AGBL4: variants seen among roughly 807,000 people sequenced by gnomAD.
AGBL4 encodes cytosolic carboxypeptidase 6.
AGBL4 carries 58 observed loss-of-function variants against 66.4 expected under a neutral mutation model. That is an observed-to-expected ratio of 0.87 (90% CI 0.71 to 1.09). The LOEUF (loss-of-function observed/expected upper bound fraction) is 1.09, where lower values mean the gene tolerates loss of function less well. AGBL4 is among the 50% of genes least tolerant of loss of function. The pLI is 0.00. For synonymous variants in AGBL4, 234 were observed against 222.9 expected, an observed-to-expected ratio of 1.05 and a Z score of -0.44; for missense variants, 579 against 631.0, an observed-to-expected ratio of 0.92 and a Z score of 0.88.
rs141713484 is a variant in AGBL4 at position 49,945,067 on chromosome 1, T to C, written c.34+78696A>G. Among the ~76,000 whole-genome samples the C allele has an allele frequency of 1.9e-3, 284 of 152,226 alleles. 2 individuals are homozygous for C. Among genetic ancestry groups the C allele is most frequent in the African/African-American group, 6.5e-3 (269 of 41,562 alleles). Reference sequence around the variant, plus strand: ...AAAGCCTCCAAGAAGTCTGGGTTTATGTTAAATGACCAAACCTAAGAATAA... The same window carrying C: ...AAAGCCTCCAAGAAGTCTGGGTTTACGTTAAATGACCAAACCTAAGAATAA... On this transcript the variant is annotated intron_variant, in intron 1 of 13. Transcript: ENST00000371839.
intron 9 of AGBL4, among the ~76,000 whole-genome samples, chr1:48,623,789 G>A (rs1035467603): frequency 3.5e-4 from 53 of 152,194 alleles, no homozygotes; most frequent in Non-Finnish European, 4.1e-4. Context: ...CTGCTCAGAC[G>A]GGGGCATGGA....
rs551518501 is a variant in AGBL4 at position 49,170,170 on chromosome 1, T to C, written c.377+75600A>G. Among the ~76,000 whole-genome samples the C allele has an allele frequency of 9.2e-4, 136 of 147,768 alleles. 5 individuals are homozygous for C. The East Asian group carries it at 0.023, about 25-fold the overall frequency. On this transcript the variant is annotated intron_variant, in intron 4 of 13. Coordinates refer to ENST00000371839, the MANE Select transcript of AGBL4 (RefSeq NM_032785.4). ...ATATATAAATTTATATTCATATAAA[T>C]ATATTATAAATTTATATTCATATAA... is the stretch of plus-strand genomic sequence containing the variant.
At chr1:48,888,452 C>T (rs985002478) in intron 5 of AGBL4, among the ~76,000 whole-genome samples, 6 of 152,142 alleles carry the variant, frequency 3.9e-5, no homozygotes, top group Admixed American at 1.3e-4. Context: ...CCCAAGCCCA[C>T]CTTTGCTCAA....
intron 4 of AGBL4, among the ~76,000 whole-genome samples, chr1:49,131,824 A>G (rs541960646): frequency 2.0e-5 from 3 of 152,202 alleles, no homozygotes; most frequent in African/African-American, 7.2e-5. Context: ...CATCTTCTGA[A>G]ATAGGAGATA....
chr1:49,959,367 C>T lies in AGBL4; in HGVS notation c.34+64396G>A, dbSNP rs369121190. The stretch of plus-strand genomic sequence containing the variant: ...ACAAGGAGAAAAGAAAAATCAAAGA[C>T]GTTTCACAATTCAGATCCTGGATAT... On this transcript the variant is annotated intron_variant, in intron 1 of 13. Coordinates refer to ENST00000371839, the MANE Select transcript of AGBL4 (RefSeq NM_032785.4). 3.6e-4 allele frequency among the ~76,000 whole-genome samples: 54 copies of T among 152,108 alleles called. 1 individual carries two copies. The South Asian group carries it at 9.5e-3, about 27-fold the overall frequency.
chr1:49,328,209 A>T (rs374027577), intron 3 of AGBL4, among the ~76,000 whole-genome samples: 13 of 152,282 alleles, frequency 8.5e-5, no homozygotes, highest in African/African-American at 3.1e-4. Context: ...GATTAAAAAT[A>T]AAAAAAGGCA....
Position 49,961,161 on chromosome 1 carries a change from A to G in AGBL4, c.34+62602T>C, listed in dbSNP as rs569922323. Among the ~76,000 whole-genome samples, 3 of 152,230 alleles carry G rather than the reference A, an allele frequency of 2.0e-5. No individual in the cohort carries two copies. In the South Asian group the frequency reaches 6.2e-4, roughly 32 times the overall value. ...ATCCATGTAGTAGAATGGGATAAAA[A>G]TAGAAAATAGGTAGGTTTTATAAAG... is the stretch of plus-strand genomic sequence containing the variant. On this transcript the variant is annotated intron_variant, in intron 1 of 13. Coordinates refer to ENST00000371839, the MANE Select transcript of AGBL4 (RefSeq NM_032785.4).
intron 2 of AGBL4, among the ~76,000 whole-genome samples, chr1:49,849,677 A>G (rs1269382008): frequency 6.6e-6 from 1 of 151,988 alleles, no homozygotes; most frequent in African/African-American, 2.4e-5. Flanking sequence ...GATACAACCA[A>G]TTATTCATAA....
At chr1:48,940,187 G>C (rs1219483836) in intron 5 of AGBL4, among the ~76,000 whole-genome samples, 3 of 152,174 alleles carry the variant, frequency 2.0e-5, no homozygotes, top group Non-Finnish European at 4.4e-5. Flanking sequence ...AAACCAGCCT[G>C]GCCAACATGG....
intron 3 of AGBL4, among the ~76,000 whole-genome samples, chr1:49,658,507 G>T (rs1646198547): frequency 6.6e-6 from 1 of 152,012 alleles, no homozygotes; most frequent in Non-Finnish European, 1.5e-5. Flanking sequence ...CCCATTACTG[G>T]GTATATACCC....
intron 4 of AGBL4, among the ~76,000 whole-genome samples, chr1:49,186,407 A>G (rs1315972216): frequency 6.6e-6 from 1 of 152,200 alleles, no homozygotes; most frequent in Non-Finnish European, 1.5e-5. Context: ...TACTAAAAGT[A>G]TAAACTTTCG....
At chr1:48,805,228 C>T (rs890873328) in intron 6 of AGBL4, among the ~76,000 whole-genome samples, 2 of 152,132 alleles carry the variant, frequency 1.3e-5, no homozygotes, top group Admixed American at 1.3e-4. Context: ...GTAGGGAGTG[C>T]ACAGGGAAGT....
chr1:49,389,594 G>C lies in AGBL4; in HGVS notation c.283-143730C>G, dbSNP rs573772416. The stretch of plus-strand genomic sequence containing the variant: ...CATGCCTGAACTAAGCTGGTTTCCT[G>C]ACACTACTTGTTATAAATATTCCTG... On this transcript the variant is annotated intron_variant, in intron 3 of 13. Transcript: ENST00000371839. Among the ~76,000 whole-genome samples, 8 of 152,034 alleles carry C rather than the reference G, an allele frequency of 5.3e-5. No homozygotes were observed. In the East Asian group the frequency reaches 9.7e-4, roughly 18 times the overall value.
chr1:48,762,005 G>C (rs1389609070), intron 6 of AGBL4, among the ~76,000 whole-genome samples: 1 of 152,134 alleles, frequency 6.6e-6, no homozygotes, highest in Non-Finnish European at 1.5e-5. Context: ...TAAGGCAGAC[G>C]GGAGAAGAAT....
intron 2 of AGBL4, among the ~76,000 whole-genome samples, chr1:49,849,657 AG>A (rs1646256846): frequency 6.6e-6 from 1 of 152,094 alleles, no homozygotes; most frequent in Non-Finnish European, 1.5e-5. Context: ...TTACTAGCAT[AG>A]ATCTAACTGA....
chr1:48,931,351 A>T (rs1655020713), intron 5 of AGBL4, among the ~76,000 whole-genome samples: 1 of 152,188 alleles, frequency 6.6e-6, no homozygotes, highest in Non-Finnish European at 1.5e-5. Context: ...CAAATAAACC[A>T]GTTACTAAAT....
chr1:48,681,985 T>C (rs953951941), intron 6 of AGBL4, among the ~76,000 whole-genome samples: 2 of 152,160 alleles, frequency 1.3e-5, no homozygotes, highest in African/African-American at 4.8e-5. Context: ...CAAGGTAAAA[T>C]GAGGTCATAA....
intron 3 of AGBL4, among the ~76,000 whole-genome samples, chr1:49,559,581 A>G (rs1199889513): frequency 6.6e-6 from 1 of 152,154 alleles, no homozygotes; most frequent in African/African-American, 2.4e-5. Context: ...AGCTAGAAAA[A>G]GCAGGTGGAA....
intron 3 of AGBL4, among the ~76,000 whole-genome samples, chr1:49,611,577 C>T (rs559133341): frequency 6.6e-6 from 1 of 152,070 alleles, no homozygotes; most frequent in South Asian, 2.1e-4. Context: ...CAGGGTTTCA[C>T]CATGTTATCC....
Sources: allele counts gnomAD v4.1 joint callset (sites outside exome capture counted in the v4.1 genomes callset), GRCh38; gene constraint gnomAD v4.1.1; transcripts MANE v1.5; gene names NCBI Gene and HGNC (gene_info 2026-07-23, HGNC 2026-07-21).